FUBP1: variants seen among roughly 807,000 people sequenced by gnomAD.
FUBP1 encodes far upstream element-binding protein 1.
In FUBP1, 16 loss-of-function variants were observed where a neutral mutation model predicts 94.9. The observed-to-expected ratio is 0.17, with a 90% CI of 0.11 to 0.26. The LOEUF is 0.26. Ranked by LOEUF, FUBP1 falls within the 10% of genes least tolerant of loss-of-function variation. The probability of loss-of-function intolerance (pLI) is 1.00; values close to 1 mark genes in which losing one functional copy is unlikely to be tolerated. For missense variants in FUBP1, 583 were observed against 808.6 expected (o/e 0.72, Z 3.38); for synonymous variants, 279 against 254.9 (o/e 1.09, Z -0.90).
chr1:77,968,700 T>C (rs1656981446), intron 2 of FUBP1, among the ~76,000 whole-genome samples: 1 of 150,432 alleles, frequency 6.6e-6, no homozygotes, highest in African/African-American at 2.4e-5. Context: ...CAACCTAAAC[T>C]GTTCTATTAT....
rs754968218 is a variant in FUBP1 at position 77,948,017 on chromosome 1, A to T, written c.*749T>A. ...TTAGTTATGCCGAAACAGTCTTGGA[A>T]ATCAAGTATTATCAAATTAAGAACA... is the stretch of plus-strand genomic sequence containing the variant. On this transcript the variant is annotated 3_prime_UTR_variant, in exon 20 of 20. Transcript: ENST00000370768. The T allele has an allele frequency of 9.7e-7, 1 of 1,032,754 alleles. No individual in the cohort carries two copies. The highest frequency in any genetic ancestry group is 1.2e-6 in the Non-Finnish European group (1 of 853,214). The allele number at this position is 1,032,754 out of a possible 1,614,324, so 64.0% of individuals were successfully genotyped here.
At position 77,966,906 on chromosome 1, in the gene FUBP1, T is replaced by A. The variant is rs774576107; in HGVS notation, c.393A>T (p.Gly131=). 6.3e-7 allele frequency: 1 copy of A among 1,599,188 alleles called. No homozygotes were observed. The highest frequency in any genetic ancestry group is 1.7e-5 in the Admixed American group (1 of 59,968). The change falls in exon 6 of 20, where the codon GGA becomes GGT. Residue 131 remains glycine (G), a synonymous_variant. Coordinates refer to ENST00000370768, the MANE Select transcript of FUBP1 (RefSeq NM_003902.5). ...TACCAGGAGCTATCTGTATTTTGCA[T>A]CCAGATTCCTGTTGTATGCGTGAGA... is the stretch of plus-strand genomic sequence containing the variant. ...EQISRIQQES[G]CKIQIAPDSG...
intron 1 of FUBP1, among the ~76,000 whole-genome samples, chr1:77,973,854 AT>A (rs917520213): frequency 1.3e-5 from 2 of 151,914 alleles, no homozygotes; most frequent in African/African-American, 4.8e-5. Context: ...TATTGGTTTA[AT>A]TTTTTTTAAA....
At chr1:77,950,633 TGAGAA>T (rs974878403) in intron 18 of FUBP1, among the ~76,000 whole-genome samples, 35 of 152,362 alleles carry the variant, frequency 2.3e-4, no homozygotes, top group African/African-American at 7.7e-4. Flanking sequence ...AATAAAAAAT[TGAGAA>T]GAGAGAGTAT....
chr1:77,977,296 G>A (rs1327790008), intron 1 of FUBP1, among the ~76,000 whole-genome samples: 2 of 152,174 alleles, frequency 1.3e-5, no homozygotes, highest in Non-Finnish European at 2.9e-5. Flanking sequence ...ACGAGGTCAG[G>A]AGTTCGAGAC....
At chr1:77,952,083 T>C (rs2102264187) in intron 18 of FUBP1, among the ~76,000 whole-genome samples, 1 of 152,234 alleles carries the variant, frequency 6.6e-6, no homozygotes, top group Admixed American at 6.5e-5. Context: ...CCATCTTTAC[T>C]GCTGTTCCTT....
At chr1:77,962,990 G>C in intron 13 of FUBP1, 60 bp from the exon 14 acceptor site, 1 of 1,138,148 alleles carries the variant, frequency 8.8e-7, no homozygotes, top group East Asian at 2.4e-5. Flanking sequence ...GAGCTATTTA[G>C]AAGAAAATGG....
chr1:77,957,093 C>T (rs982517504), intron 16 of FUBP1, among the ~76,000 whole-genome samples: 7 of 152,130 alleles, frequency 4.6e-5, no homozygotes, highest in African/African-American at 1.7e-4. Flanking sequence ...TTTCTAGGGA[C>T]TAACCTGTAT....
Position 77,970,081 on chromosome 1 carries a change from A to C in FUBP1, c.121-66T>G. 7.0e-6 allele frequency: 5 copies of C among 713,982 alleles called. No individual in the cohort carries two copies. In the South Asian group the frequency reaches 7.1e-5, roughly 10 times the overall value. The allele number at this position is 713,982 out of a possible 1,614,324, so 44.2% of individuals were successfully genotyped here. ...TACTATTCATTACTAAATTACCCCCATTTACTTCCTGATACATGTATATGT... is the reference window on the plus strand; with the variant it reads ...TACTATTCATTACTAAATTACCCCCCTTTACTTCCTGATACATGTATATGT... On this transcript the variant is annotated intron_variant, in intron 1 of 19. Coordinates refer to ENST00000370768, the MANE Select transcript of FUBP1 (RefSeq NM_003902.5).
chr1:77,946,736 T>C lies in FUBP1; in HGVS notation c.*2030A>G, dbSNP rs970065174. The C allele has an allele frequency of 3.9e-5, 8 of 206,994 alleles. No individual in the cohort carries two copies. The Admixed American group carries it at 4.7e-4, about 12-fold the overall frequency. 12.8% of individuals were successfully genotyped at this position (206,994 alleles called of 1,614,324 possible). ...AATGCACCACTTTCCTAAAAGGTCA[T>C]CTATAAAACAGTATCATGCAAAATA... is the stretch of plus-strand genomic sequence containing the variant. On this transcript the variant is annotated 3_prime_UTR_variant, in exon 20 of 20. Transcript: ENST00000370768.
At chr1:77,974,470 T>C (rs909914523) in intron 1 of FUBP1, among the ~76,000 whole-genome samples, 5 of 152,146 alleles carry the variant, frequency 3.3e-5, no homozygotes, top group African/African-American at 1.2e-4. Flanking sequence ...GGTTTCACCA[T>C]GTTGCCTAGG....
rs1655232066 is a variant in FUBP1 at position 77,960,423 on chromosome 1, C to T, written c.1417G>A (p.Gly473Arg). 1.3e-6 allele frequency: 2 copies of T among 1,594,392 alleles called. No homozygotes were observed. The highest frequency in any genetic ancestry group is 1.1e-5 in the South Asian group (1 of 87,856). ...ATTGGAGTTCCAGGCCCTGGAGGCC[C>T]AGGAGGTCCATGGGGGCCTGGGACA... ...HGVPGPHGPP[G>R]PPGPGTPMGP... is the part of the protein sequence containing the mutation. The change falls in exon 15 of 20, where the codon GGG becomes AGG. Residue 473 changes from glycine to arginine, a missense_variant. Gly to Arg is a moderately radical substitution (Grantham distance 125). Transcript: ENST00000370768.
At chr1:77,963,987 G>C in intron 12 of FUBP1, 75 bp downstream of exon 12, 4 of 901,470 alleles carry the variant, frequency 4.4e-6, no homozygotes, top group Non-Finnish European at 7.5e-6. Context: ...CTGATATAGA[G>C]GTAACTTCAG....
At chr1:77,968,837 T>C (rs1204368799) in intron 2 of FUBP1, among the ~76,000 whole-genome samples, 1 of 152,088 alleles carries the variant, frequency 6.6e-6, no homozygotes, top group African/African-American at 2.4e-5. Context: ...ACAGACAACC[T>C]ATAGCTCAAA....
chr1:77,948,885 G>T, intron 19 of FUBP1, 111 bp from the exon 20 acceptor site: 2 of 1,440,800 alleles, frequency 1.4e-6, no homozygotes, highest in Non-Finnish European at 1.9e-6. Flanking sequence ...AATATAAATG[G>T]TGGTGGCTTC....
intron 14 of FUBP1, among the ~76,000 whole-genome samples, chr1:77,961,747 G>A (rs181680977): frequency 2.0e-5 from 3 of 152,258 alleles, no homozygotes; most frequent in Admixed American, 6.5e-5. Flanking sequence ...AAATCCTGAC[G>A]CATGCATGTT....
At chr1:77,973,935 A>C (rs939227013) in intron 1 of FUBP1, among the ~76,000 whole-genome samples, 7 of 152,024 alleles carry the variant, frequency 4.6e-5, no homozygotes, top group African/African-American at 1.7e-4. Flanking sequence ...AATTAAATTA[A>C]AATTTTGAGA....
At chr1:77,977,483 A>G (rs1437566427) in intron 1 of FUBP1, among the ~76,000 whole-genome samples, 1 of 152,200 alleles carries the variant, frequency 6.6e-6, no homozygotes, top group Non-Finnish European at 1.5e-5. Context: ...ACGAGATCGC[A>G]CCACTGCACT....
intron 18 of FUBP1, among the ~76,000 whole-genome samples, chr1:77,955,012 T>C (rs1654185237): frequency 6.6e-6 from 1 of 152,156 alleles, no homozygotes; most frequent in South Asian, 2.1e-4. Context: ...GTCAAAAGTA[T>C]AGTAATGTTA....
Sources: allele counts gnomAD v4.1 joint callset (sites outside exome capture counted in the v4.1 genomes callset), GRCh38; gene constraint gnomAD v4.1.1; transcripts MANE v1.5; gene names NCBI Gene and HGNC (gene_info 2026-07-23, HGNC 2026-07-21).